Variants in LRRC7 observed in about 807,000 individuals in gnomAD.
LRRC7 encodes leucine-rich repeat-containing protein 7.
In LRRC7, 23 loss-of-function variants were observed where a neutral mutation model predicts 175.7. The observed-to-expected ratio is 0.13, with a 90% CI of 0.09 to 0.19. The LOEUF (loss-of-function observed/expected upper bound fraction) is 0.19, where lower values mean the gene tolerates loss of function less well. Among genes scored for constraint, LRRC7 ranks in the 10% least tolerant of loss-of-function variants. The pLI, the probability that LRRC7 is intolerant of heterozygous loss-of-function variation, is 1.00. For synonymous variants in LRRC7, 685 were observed against 680.9 expected (o/e 1.01, Z -0.09); for missense variants, 1,354 against 1,904.7 (o/e 0.71, Z 5.38).
chr1:69,592,828 G>A (rs576142232), intron 1 of LRRC7, among the ~76,000 whole-genome samples: 1 of 152,152 alleles, frequency 6.6e-6, no homozygotes, highest in South Asian at 2.1e-4. Context: ...TAAGGAACGT[G>A]TGGATGAGTG....
At chr1:69,649,889 C>T (rs1224062300) in intron 1 of LRRC7, among the ~76,000 whole-genome samples, 1 of 151,414 alleles carries the variant, frequency 6.6e-6, no homozygotes, top group Non-Finnish European at 1.5e-5. Flanking sequence ...CAGGATAATT[C>T]TTGGCCTTCA....
chr1:70,059,780 G>A (rs182532649), intron 23 of LRRC7, among the ~76,000 whole-genome samples: 8 of 151,688 alleles, frequency 5.3e-5, no homozygotes, highest in Non-Finnish European at 8.8e-5. Flanking sequence ...CAACCATATG[G>A]CCAAATCATC....
In LRRC7 at chr1:69,792,101, A is replaced by G; in HGVS notation, c.362A>G (p.Asn121Ser). Residue 121 changes from asparagine (N) to serine (S), a missense_variant, in exon 4 of 27, where the codon AAT (asparagine) becomes AGT (serine). This residue lies in a region of LRRC7 where 201 missense variants were observed against 481.4 expected (regional missense o/e 0.42). Coordinates refer to ENST00000651989, the MANE Select transcript of LRRC7 (RefSeq NM_001370785.2). The part of the protein sequence containing the change: ...KLSIPDNDLS[N>S]LPTTIASLVN... The stretch of plus-strand genomic sequence containing the variant: ...AGTATTCCTGATAACGACCTTTCAA[A>G]TCTGCCAACCACTATTGCTAGTTTA... 1.2e-6 allele frequency: 2 copies of G among 1,611,474 alleles called. No individual in the cohort carries two copies. The highest frequency in any genetic ancestry group is 1.1e-5 in the South Asian group (1 of 90,832).
intron 7 of LRRC7, among the ~76,000 whole-genome samples, chr1:69,867,100 A>G (rs145486285): frequency 1.1e-4 from 17 of 152,012 alleles, no homozygotes; most frequent in African/African-American, 3.9e-4. Context: ...AATAGTTTTT[A>G]TTTTCGTTCT....
At position 70,125,822 on chromosome 1, in the gene LRRC7, C is replaced by A; in HGVS notation, c.*3935C>A. Among the ~76,000 whole-genome samples the A allele has an allele frequency of 6.8e-6, 1 of 147,874 alleles. No homozygotes were observed. ...AAAAAAAAAAAAAAAAGAGAAGATT[C>A]AGAGGGGAGAAAACATGGAAGAAAT... is the stretch of plus-strand genomic sequence containing the variant. On this transcript the variant is annotated 3_prime_UTR_variant, in exon 27 of 27. Transcript: ENST00000651989.
In LRRC7 at chr1:70,133,199, G is replaced by T; in HGVS notation, c.*11312G>T. On this transcript the variant is annotated 3_prime_UTR_variant, in exon 27 of 27. Transcript: ENST00000651989. ...TCTCTGGCTTGGGGGAGCACAGTCC[G>T]ATTTTTGTTGTTGTCGTGGGTGTTT... is the stretch of plus-strand genomic sequence containing the variant. Among the ~76,000 whole-genome samples the T allele has an allele frequency of 6.6e-6, 1 of 152,020 alleles. No individual in the cohort carries two copies. The highest frequency in any genetic ancestry group is 2.1e-4 in the South Asian group (1 of 4,818).
At chr1:69,736,200 T>C (rs1668100727) in intron 2 of LRRC7, among the ~76,000 whole-genome samples, 1 of 152,138 alleles carries the variant, frequency 6.6e-6, no homozygotes. Context: ...AGAAAAAGTA[T>C]TCTGTAATGT....
Position 69,864,112 on chromosome 1 carries a change from G to C in LRRC7, c.647+25829G>C, listed in dbSNP as rs550168467. On this transcript the variant is annotated intron_variant, in intron 7 of 26. Coordinates refer to ENST00000651989, the MANE Select transcript of LRRC7 (RefSeq NM_001370785.2). ...AAGCTCTTTCAGAAAGCCTTTTCTG[G>C]ACCCACTCAGACTGGCTCTGCCATC... Among the ~76,000 whole-genome samples the C allele has an allele frequency of 3.3e-5, 5 of 152,118 alleles. No homozygotes were observed. In the East Asian group the frequency reaches 9.7e-4, roughly 29 times the overall value.
At chr1:69,888,063 G>A (rs1033559307) in intron 7 of LRRC7, among the ~76,000 whole-genome samples, 1 of 103,424 alleles carries the variant, frequency 9.7e-6, no homozygotes, top group African/African-American at 3.6e-5. Flanking sequence ...GGTTACTGCT[G>A]TCTTTTTGTT....
chr1:69,637,834 G>A (rs1378817026), intron 1 of LRRC7, among the ~76,000 whole-genome samples: 1 of 151,860 alleles, frequency 6.6e-6, no homozygotes, highest in Non-Finnish European at 1.5e-5. Context: ...GAGACTTGAT[G>A]AAGCAAAGCT....
chr1:70,070,557 T>C (rs1662304772), intron 23 of LRRC7, among the ~76,000 whole-genome samples: 1 of 152,230 alleles, frequency 6.6e-6, no homozygotes, highest in South Asian at 2.1e-4. Context: ...CTCTGTATCT[T>C]ACTTAAAGCT....
intron 2 of LRRC7, among the ~76,000 whole-genome samples, chr1:69,716,690 A>G (rs1170376567): frequency 1.3e-5 from 2 of 151,892 alleles, no homozygotes; most frequent in African/African-American, 4.8e-5. Context: ...GGTGATATCA[A>G]ATGAAATCCA....
chr1:69,852,123 CT>C (rs1311916840), intron 7 of LRRC7, among the ~76,000 whole-genome samples: 1 of 151,744 alleles, frequency 6.6e-6, no homozygotes, highest in East Asian at 1.9e-4. Flanking sequence ...AACAATTATT[CT>C]TTTCTCTTTG....
rs1323880106 is a variant in LRRC7 at position 69,755,778 on chromosome 1, A to G, written c.101-4413A>G. Among the ~76,000 whole-genome samples the G allele has an allele frequency of 2.0e-5, 3 of 152,092 alleles. No homozygotes were observed. The East Asian group carries it at 5.8e-4, about 29-fold the overall frequency. ...ATAGTAACATGGCTATACCCCAGGC[A>G]GAAGGCCAGAATATTTTTCTCCAGA... is the stretch of plus-strand genomic sequence containing the variant. On this transcript the variant is annotated intron_variant, in intron 2 of 26. Coordinates refer to ENST00000651989, the MANE Select transcript of LRRC7 (RefSeq NM_001370785.2).
chr1:69,974,496 C>T (rs1652612470), intron 8 of LRRC7, among the ~76,000 whole-genome samples: 2 of 152,172 alleles, frequency 1.3e-5, no homozygotes, highest in Non-Finnish European at 2.9e-5. Context: ...ATTGAATATT[C>T]CAAGTTATTC....
At chr1:69,657,466 G>T (rs1008810182) in intron 1 of LRRC7, among the ~76,000 whole-genome samples, 1 of 151,748 alleles carries the variant, frequency 6.6e-6, no homozygotes, top group Non-Finnish European at 1.5e-5. Context: ...CGTATCATCC[G>T]ATTTGAAAAG....
Position 70,121,883 on chromosome 1 carries a change from T to C in LRRC7, c.4724T>C (p.Val1575Ala), listed in dbSNP as rs1457908067. Residue 1575 changes from valine to alanine, a missense_variant, in exon 27 of 27, where the codon GTC becomes GCC. Physicochemically the swap from Val to Ala is moderately conservative, Grantham distance 64 (BLOSUM62 0). Around this residue, in one of 4 missense-constraint regions of LRRC7, gnomAD observed 53 missense variants for 112.6 expected, o/e 0.47. Transcript: ENST00000651989. ...CTAGTTATTCAACGTGAGCTTACTG[T>C]CTAAATATTTTTTATAAATAGTGAA... ...VDLVIQRELTV is the reference protein window; with the variant it reads ...VDLVIQRELTA 6 of 1,589,646 alleles carry C rather than the reference T, an allele frequency of 3.8e-6. No homozygotes were observed. The highest frequency in any genetic ancestry group is 1.1e-5 in the South Asian group (1 of 90,002).
chr1:69,871,070 T>C (rs1685483304), intron 7 of LRRC7, among the ~76,000 whole-genome samples: 1 of 136,774 alleles, frequency 7.3e-6, no homozygotes, highest in South Asian at 2.6e-4. Flanking sequence ...TTAATAATGT[T>C]ATACCACAAA....
intron 7 of LRRC7, among the ~76,000 whole-genome samples, chr1:69,925,553 C>A (rs11580604): frequency 0.41 from 62,135 of 151,232 alleles, 13,526 homozygotes; most frequent in East Asian, 0.55. Flanking sequence ...CGAGGAATTT[C>A]TCCATTTCTT....
Sources: allele counts gnomAD v4.1 joint callset (sites outside exome capture counted in the v4.1 genomes callset), GRCh38; gene constraint gnomAD v4.1.1; regional missense constraint gnomAD v4.1.1; transcripts MANE v1.5; gene names NCBI Gene and HGNC (gene_info 2026-07-23, HGNC 2026-07-21).